The following KAZN variants were observed in gnomAD, a reference collection of about 807,000 sequenced individuals.
KAZN encodes kazrin.
Under a neutral mutation model 87.4 loss-of-function variants are expected in KAZN, and 40 were observed. That is an observed-to-expected ratio of 0.46 (90% CI 0.36 to 0.60). The LOEUF (loss-of-function observed/expected upper bound fraction) is 0.60, where lower values mean the gene tolerates loss of function less well. KAZN is among the 20% of genes least tolerant of loss of function. The pLI is 0.00. For synonymous variants in KAZN, 466 were observed against 458.3 expected (o/e 1.02, Z -0.22); for missense variants, 898 against 1,073.9 (o/e 0.84, Z 2.29).
At chr1:14,022,387 T>C (rs1234890884) in intron 1 of KAZN, among the ~76,000 whole-genome samples, 1 of 144,518 alleles carries the variant, frequency 6.9e-6, no homozygotes, top group Admixed American at 7.4e-5. Context: ...AAGTACACAA[T>C]AAATGATAAC....
chr1:14,321,290 C>T (rs1656035259), intron 2 of KAZN, among the ~76,000 whole-genome samples: 1 of 152,118 alleles, frequency 6.6e-6, no homozygotes, highest in African/African-American at 2.4e-5. Context: ...AAAGTCAAAG[C>T]CAACCAGAAC....
chr1:14,723,782 G>A (rs748648664), intron 1 of KAZN, among the ~76,000 whole-genome samples: 44 of 152,280 alleles, frequency 2.9e-4, no homozygotes, highest in South Asian at 6.2e-4. Context: ...CCTGGGATAC[G>A]GCTTTGACTG....
Position 14,245,086 on chromosome 1 carries a change from G to A in KAZN, c.249+64494G>A, listed in dbSNP as rs369498934. ...AGTAATTCTCCTGCCTCAGCCTCCC[G>A]AGTAGCTGAGATTACCAGTGCCCAC... On this transcript the variant is annotated intron_variant, in intron 2 of 16. Transcript: ENST00000636203. 9.2e-5 allele frequency among the ~76,000 whole-genome samples: 14 copies of A among 151,954 alleles called. No homozygotes were observed. The East Asian group carries it at 1.9e-3, about 21-fold the overall frequency.
At chr1:14,902,366 T>TC (rs1656024568) in intron 1 of KAZN, among the ~76,000 whole-genome samples, 1 of 151,870 alleles carries the variant, frequency 6.6e-6, no homozygotes, top group Non-Finnish European at 1.5e-5. Flanking sequence ...GCTGGGACTA[T>TC]AGGCACCCGC....
chr1:14,622,532 T>C (rs557829258), intron 1 of KAZN, among the ~76,000 whole-genome samples: 1 of 151,638 alleles, frequency 6.6e-6, no homozygotes, highest in African/African-American at 2.4e-5. Flanking sequence ...CTACTAAAAA[T>C]ACAAAAAAAT....
At chr1:13,926,440 A>G (rs910616624) in intron 1 of KAZN, among the ~76,000 whole-genome samples, 5 of 152,166 alleles carry the variant, frequency 3.3e-5, no homozygotes, top group Admixed American at 6.5e-5. Flanking sequence ...AGCAATGAAC[A>G]GTCTCCACTT....
At chr1:14,723,254 C>A (rs1032232734) in intron 1 of KAZN, among the ~76,000 whole-genome samples, 1 of 152,146 alleles carries the variant, frequency 6.6e-6, no homozygotes, top group South Asian at 2.1e-4. Context: ...ACTCCCAGAC[C>A]TTCTACCTGC....
At chr1:14,519,255 G>T (rs1370427554) in intron 2 of KAZN, among the ~76,000 whole-genome samples, 4 of 152,180 alleles carry the variant, frequency 2.6e-5, no homozygotes, top group Non-Finnish European at 4.4e-5. Flanking sequence ...AGGGCCCAAG[G>T]CACAGGACTG....
chr1:14,551,688 C>T (rs548310843), intron 2 of KAZN, among the ~76,000 whole-genome samples: 243 of 152,234 alleles, frequency 1.6e-3, no homozygotes, highest in Non-Finnish European at 2.2e-3. Context: ...CGAGGTGAAG[C>T]GATTCACAGA....
chr1:14,933,957 C>T (rs943649806), intron 1 of KAZN, among the ~76,000 whole-genome samples: 36 of 151,692 alleles, frequency 2.4e-4, no homozygotes, highest in African/African-American at 8.7e-4. Flanking sequence ...ACGCCATTCT[C>T]CTGCCTCCGC....
At chr1:14,414,906 G>A (rs886860373) in intron 2 of KAZN, among the ~76,000 whole-genome samples, 6 of 152,066 alleles carry the variant, frequency 3.9e-5, no homozygotes, top group African/African-American at 1.4e-4. Flanking sequence ...CACACCTGTA[G>A]CCCCAGCTAC....
At chr1:14,992,957 TG>T (rs1667494299) in intron 2 of KAZN, among the ~76,000 whole-genome samples, 1 of 150,234 alleles carries the variant, frequency 6.7e-6, no homozygotes, top group African/African-American at 2.5e-5. Context: ...ATGGTTAAGA[TG>T]GTAAATTTTA....
At chr1:15,065,349 C>T (rs1233586524) in intron 7 of KAZN, among the ~76,000 whole-genome samples, 3 of 152,142 alleles carry the variant, frequency 2.0e-5, no homozygotes, top group Admixed American at 2.0e-4. Context: ...TCTTTATCCT[C>T]TCTTTAGCAA....
At chr1:13,911,832 T>C (rs1173492555) in intron 1 of KAZN, among the ~76,000 whole-genome samples, 1 of 152,166 alleles carries the variant, frequency 6.6e-6, no homozygotes, top group Non-Finnish European at 1.5e-5. Context: ...AGGACAGTTA[T>C]CTGCTGGAAG....
At chr1:14,289,294 C>T (rs956908751) in intron 2 of KAZN, among the ~76,000 whole-genome samples, 4 of 152,110 alleles carry the variant, frequency 2.6e-5, no homozygotes, top group Admixed American at 1.3e-4. Context: ...TAAAATCTCT[C>T]ATTATTATTG....
In KAZN at chr1:15,096,133, C is replaced by T. The variant is rs565223045; in HGVS notation, c.1547+1200C>T. Among the ~76,000 whole-genome samples the T allele has an allele frequency of 1.3e-5, 2 of 152,258 alleles. No individual in the cohort carries two copies. The highest frequency in any genetic ancestry group is 2.1e-4 in the South Asian group (1 of 4,830). ...AATCCCCTAAAGCCATCCCTGAATC[C>T]CCTCACCATCTTTGGTCACCCAAGT... is the stretch of plus-strand genomic sequence containing the variant. On this transcript the variant is annotated intron_variant, in intron 10 of 14. Transcript: ENST00000376030. This position sits in a 1 kb window ranked among gnomAD's most constrained non-coding sequence, Gnocchi z 4.5.
rs1025019031 is a variant in KAZN at position 13,912,056 on chromosome 1, C to A, written c.91+18300C>A. On this transcript the variant is annotated intron_variant, in intron 1 of 16. Coordinates refer to the KAZN transcript ENST00000636203. The stretch of plus-strand genomic sequence containing the variant: ...GGAGATGGCAAGCCTCTAATGTAGG[C>A]ACTATGAAGGTTATATTAAAATGCA... 5.9e-5 allele frequency among the ~76,000 whole-genome samples: 9 copies of A among 152,222 alleles called. No individual in the cohort carries two copies. The Middle Eastern group carries it at 0.01, about 173-fold the overall frequency.
At chr1:15,080,276 C>T (rs1436886809) in intron 8 of KAZN, among the ~76,000 whole-genome samples, 3 of 152,238 alleles carry the variant, frequency 2.0e-5, no homozygotes, top group Non-Finnish European at 4.4e-5. Context: ...AAGCAGCACT[C>T]TGCTGGACTT....
At chr1:14,478,270 G>GAAGGAAGA (rs1451168771) in intron 2 of KAZN, among the ~76,000 whole-genome samples, 34 of 142,188 alleles carry the variant, frequency 2.4e-4, no homozygotes, top group Non-Finnish European at 4.2e-4. Context: ...AGGAAGGAAG[G>GAAGGAAGA]AAGAAAGGAA....
Sources: gnomAD v4.1 joint callset for allele counts (sites outside exome capture counted in the v4.1 genomes callset) on GRCh38, gnomAD v4.1.1 for gene constraint, Gnocchi (gnomAD v3.1) non-coding constraint, MANE v1.5 for transcripts, NCBI Gene and HGNC (gene_info 2026-07-23, HGNC 2026-07-21) for gene names.